The following CNTNAP2 variants were observed in gnomAD, a reference collection of about 807,000 sequenced individuals.
CNTNAP2 encodes the protein contactin-associated protein-like 2.
In CNTNAP2, 98 loss-of-function variants were observed where a neutral mutation model predicts 155.2. That is an observed-to-expected ratio of 0.63 (90% CI 0.54 to 0.75). CNTNAP2 has a LOEUF of 0.75. CNTNAP2 is among the 30% of genes least tolerant of loss of function. The probability of loss-of-function intolerance (pLI) is 0.00; values close to 1 mark genes in which losing one functional copy is unlikely to be tolerated. For synonymous variants in CNTNAP2, 651 were observed against 631.2 expected (o/e 1.03, Z -0.47); for missense variants, 1,727 against 1,688.1 (o/e 1.02, Z -0.40).
At position 147,972,178 on chromosome 7, in the gene CNTNAP2, C is replaced by A. The variant is rs577035172; in HGVS notation, c.2256-5684C>A. 2.0e-5 allele frequency among the ~76,000 whole-genome samples: 3 copies of A among 152,272 alleles called. No homozygotes were observed. In the South Asian group the frequency reaches 6.2e-4, roughly 32 times the overall value. ...TATGAGATATCTTCTGTAGCTATAA[C>A]TTTGACTTCCTGAATTCTGTCCAGA... On this transcript the variant is annotated intron_variant, in intron 14 of 23. Coordinates refer to ENST00000361727, the MANE Select transcript of CNTNAP2 (RefSeq NM_014141.6).
intron 13 of CNTNAP2, among the ~76,000 whole-genome samples, chr7:147,822,619 C>T (rs550886865): frequency 1.3e-5 from 2 of 152,190 alleles, no homozygotes; most frequent in East Asian, 1.9e-4. Flanking sequence ...ACCCTATTTA[C>T]CCACCTCAGC....
intron 12 of CNTNAP2, among the ~76,000 whole-genome samples, chr7:147,620,459 C>T (rs1801371720): frequency 6.6e-6 from 1 of 151,240 alleles, no homozygotes. Context: ...AGAATTCTAT[C>T]AGATAAATTT....
chr7:147,060,669 TGGCTAACAC>T (rs1799647079), intron 4 of CNTNAP2, among the ~76,000 whole-genome samples: 1 of 152,086 alleles, frequency 6.6e-6, no homozygotes. Context: ...AGAGACCATC[TGGCTAACAC>T]GGTGAAACCC....
At chr7:146,966,036 A>G (rs1274190795) in intron 3 of CNTNAP2, among the ~76,000 whole-genome samples, 1 of 152,154 alleles carries the variant, frequency 6.6e-6, no homozygotes, top group Admixed American at 6.5e-5. Context: ...TTGTGGCTGG[A>G]CACCACAATT....
At chr7:146,701,085 G>A (rs1005372690) in intron 1 of CNTNAP2, among the ~76,000 whole-genome samples, 5 of 152,058 alleles carry the variant, frequency 3.3e-5, no homozygotes, top group African/African-American at 1.2e-4. Context: ...ATTTTTCCAA[G>A]TGATTTTATC....
chr7:146,907,082 CGAGAAGGG>C (rs1796149238), intron 3 of CNTNAP2, among the ~76,000 whole-genome samples: 1 of 150,778 alleles, frequency 6.6e-6, no homozygotes. Context: ...TGAAATGAAG[CGAGAAGGG>C]AAGTTTAGAG....
intron 1 of CNTNAP2, among the ~76,000 whole-genome samples, chr7:146,344,951 C>G (rs1794797443): frequency 6.6e-6 from 1 of 152,142 alleles, no homozygotes; most frequent in African/African-American, 2.4e-5. Flanking sequence ...TGAGAAAGAG[C>G]TGTTGGAACA....
At chr7:147,353,988 T>C (rs1475619510) in intron 9 of CNTNAP2, among the ~76,000 whole-genome samples, 2 of 151,856 alleles carry the variant, frequency 1.3e-5, no homozygotes, top group Non-Finnish European at 2.9e-5. Context: ...TGATGTTTTT[T>C]TTTTTCTTGT....
chr7:147,909,340 C>G (rs1800020385), intron 14 of CNTNAP2, among the ~76,000 whole-genome samples: 1 of 151,940 alleles, frequency 6.6e-6, no homozygotes, highest in South Asian at 2.1e-4. Flanking sequence ...AACCACAGAC[C>G]ACATTATATG....
At chr7:147,222,168 T>C (rs918423352) in intron 8 of CNTNAP2, among the ~76,000 whole-genome samples, 1 of 152,192 alleles carries the variant, frequency 6.6e-6, no homozygotes, top group African/African-American at 2.4e-5. Flanking sequence ...GTCATTCTTG[T>C]TTGAAATATT....
chr7:147,640,139 T>C lies in CNTNAP2; in HGVS notation c.2098+833T>C, dbSNP rs147298807. ...TTACCTTAATTGACAAAATTGTATA[T>C]GTCTTTCGTGTACAATATGATATGA... On this transcript the variant is annotated intron_variant, in intron 13 of 23. Coordinates refer to ENST00000361727, the MANE Select transcript of CNTNAP2 (RefSeq NM_014141.6). Among the ~76,000 whole-genome samples, 639 of 152,112 alleles carry C rather than the reference T, an allele frequency of 4.2e-3. 2 individuals carry two copies. The highest frequency in any genetic ancestry group is 6.8e-3 in the Non-Finnish European group (464 of 68,016).
At chr7:147,308,861 G>A (rs1228873430) in intron 9 of CNTNAP2, among the ~76,000 whole-genome samples, 1 of 152,052 alleles carries the variant, frequency 6.6e-6, no homozygotes, top group Non-Finnish European at 1.5e-5. Flanking sequence ...TGCATCTAGG[G>A]TCAAGAATCT....
intron 4 of CNTNAP2, among the ~76,000 whole-genome samples, chr7:147,074,785 G>T (rs552851609): frequency 6.6e-6 from 1 of 152,034 alleles, no homozygotes; most frequent in Non-Finnish European, 1.5e-5. Flanking sequence ...TTCATTTTCA[G>T]TATGTTTCTA....
At chr7:147,270,917 G>A (rs902007495) in intron 8 of CNTNAP2, among the ~76,000 whole-genome samples, 1 of 152,082 alleles carries the variant, frequency 6.6e-6, no homozygotes, top group Non-Finnish European at 1.5e-5. Context: ...GTAGGGATTC[G>A]TAAGTCATTT....
intron 3 of CNTNAP2, among the ~76,000 whole-genome samples, chr7:146,987,462 G>C (rs761284298): frequency 2.0e-5 from 3 of 152,030 alleles, no homozygotes; most frequent in African/African-American, 7.2e-5. Flanking sequence ...GATTCCTATA[G>C]ACATTTCACA....
At chr7:148,272,570 AC>A (rs1405153008) in intron 21 of CNTNAP2, among the ~76,000 whole-genome samples, 1 of 152,200 alleles carries the variant, frequency 6.6e-6, no homozygotes, top group Non-Finnish European at 1.5e-5. Context: ...AACCATCTTG[AC>A]AGGCTAGAAA....
At chr7:146,215,427 A>G (rs914016517) in intron 1 of CNTNAP2, among the ~76,000 whole-genome samples, 1 of 152,144 alleles carries the variant, frequency 6.6e-6, no homozygotes, top group African/African-American at 2.4e-5. Context: ...CCACCTTATC[A>G]GGGTTAGCTC....
chr7:146,826,279 G>A (rs867815460), intron 2 of CNTNAP2, among the ~76,000 whole-genome samples: 1 of 152,100 alleles, frequency 6.6e-6, no homozygotes, highest in African/African-American at 2.4e-5. Flanking sequence ...TGCACAAAAT[G>A]CTAGATAGAG....
At chr7:147,874,853 C>G (rs781748389) in intron 13 of CNTNAP2, among the ~76,000 whole-genome samples, 34 of 152,204 alleles carry the variant, frequency 2.2e-4, no homozygotes, top group Non-Finnish European at 2.2e-4. Flanking sequence ...AATTATCTCA[C>G]TCAAGTTCAA....
Sources: allele counts gnomAD v4.1 joint callset (sites outside exome capture counted in the v4.1 genomes callset), GRCh38; gene constraint gnomAD v4.1.1; transcripts MANE v1.5; gene names NCBI Gene and HGNC (gene_info 2026-07-23, HGNC 2026-07-21).